GALNT10: variants seen among roughly 807,000 people sequenced by gnomAD.
GALNT10 encodes the protein polypeptide N-acetylgalactosaminyltransferase 10.
GALNT10 carries 41 observed loss-of-function variants against 75.0 expected under a neutral mutation model. That is an observed-to-expected ratio of 0.55 (90% CI 0.43 to 0.71). The LOEUF (loss-of-function observed/expected upper bound fraction) is 0.71. Ranked by LOEUF, GALNT10 falls within the 30% of genes least tolerant of loss-of-function variation. The pLI is 0.00. For missense variants in GALNT10, 727 were observed against 818.5 expected (o/e 0.89, Z 1.36); for synonymous variants, 302 against 313.0 (o/e 0.96, Z 0.37).
chr5:154,378,865 T>G (rs1371652436), intron 5 of GALNT10, among the ~76,000 whole-genome samples: 1 of 152,160 alleles, frequency 6.6e-6, no homozygotes, highest in Non-Finnish European at 1.5e-5. Flanking sequence ...GCCCCAGCCC[T>G]CCTTGGACAT....
intron 8 of GALNT10, among the ~76,000 whole-genome samples, chr5:154,405,901 G>C (rs17637751): frequency 0.28 from 42,530 of 150,014 alleles, 7,122 homozygotes; most frequent in Non-Finnish European, 0.39. Context: ...AGGCCCACCT[G>C]ATAAAGAGAC....
At chr5:154,285,058 C>T (rs919966622) in intron 1 of GALNT10, among the ~76,000 whole-genome samples, 4 of 152,164 alleles carry the variant, frequency 2.6e-5, no homozygotes, top group Non-Finnish European at 5.9e-5. Flanking sequence ...CTCAAAAGTC[C>T]AGTGTGGGCA....
chr5:154,214,465 A>T (rs1752833867), intron 1 of GALNT10, among the ~76,000 whole-genome samples: 1 of 152,122 alleles, frequency 6.6e-6, no homozygotes, highest in Non-Finnish European at 1.5e-5. Context: ...CCTAATTTGG[A>T]AAAAGGAGAA....
In GALNT10 at chr5:154,273,842, CTT is replaced by C. The variant is rs1209917410; in HGVS notation, c.160-20971_160-20970del. On this transcript the variant is annotated intron_variant, in intron 1 of 11. Coordinates refer to ENST00000297107, the MANE Select transcript of GALNT10 (RefSeq NM_198321.4). ...ACTTGTTTTTTAAAGCAGTGGAACACTTTTCACATAATCTTATTTGAAAGCCT... is the reference window on the plus strand; with the variant it reads ...ACTTGTTTTTTAAAGCAGTGGAACACTTCACATAATCTTATTTGAAAGCCT... 2.6e-5 allele frequency among the ~76,000 whole-genome samples: 4 copies of C among 152,318 alleles called. No individual in the cohort carries two copies. In the East Asian group the frequency reaches 7.7e-4, roughly 29 times the overall value.
At chr5:154,379,095 G>T (rs1379616390) in intron 5 of GALNT10, among the ~76,000 whole-genome samples, 1 of 152,178 alleles carries the variant, frequency 6.6e-6, no homozygotes, top group Non-Finnish European at 1.5e-5. Context: ...GATGGCCCCT[G>T]ATCCACATGT....
intron 4 of GALNT10, among the ~76,000 whole-genome samples, chr5:154,360,481 A>G (rs1181371413): frequency 6.6e-6 from 1 of 151,266 alleles, no homozygotes; most frequent in Non-Finnish European, 1.5e-5. Flanking sequence ...ACAAAACCGC[A>G]CTGGATCCAC....
rs572339180 is a variant in GALNT10, at chr5:154,419,280, G to A, written c.*2308G>A. On this transcript the variant is annotated 3_prime_UTR_variant, in exon 12 of 12. Transcript: ENST00000297107. ...AGGCTGGGCAGTGCGTTTAGTCTGT[G>A]GCCTAGAAGACCTCATCAGCCCCCG... The A allele has an allele frequency of 1.3e-5, 2 of 152,204 alleles. No homozygotes were observed. The highest frequency in any genetic ancestry group is 1.9e-4 in the East Asian group (1 of 5,164). The allele number at this position is 152,204 out of a possible 1,614,324, so 9.4% of individuals were successfully genotyped here. A position where few individuals can be genotyped will look rare whatever the true frequency, so the allele number is the denominator to read the frequency against.
At chr5:154,383,310 T>C (rs900026878) in intron 6 of GALNT10, among the ~76,000 whole-genome samples, 2 of 152,220 alleles carry the variant, frequency 1.3e-5, no homozygotes, top group Non-Finnish European at 2.9e-5. Flanking sequence ...GGTGCAAGGA[T>C]GTTTAAAAGA....
intron 1 of GALNT10, among the ~76,000 whole-genome samples, chr5:154,207,957 G>A (rs1235978641): frequency 2.0e-5 from 3 of 152,012 alleles, no homozygotes; most frequent in African/African-American, 7.2e-5. Context: ...GAAAGAGATC[G>A]GGAGGCCATG....
rs757748797 is a variant in GALNT10 at position 154,329,702 on chromosome 5, G to C, written c.532G>C (p.Ala178Pro). Residue 178 changes from alanine to proline, a missense_variant, in exon 4 of 12, where the codon GCC (alanine) becomes CCC (proline). Physicochemically the swap from Ala to Pro is conservative, Grantham distance 27. Transcript: ENST00000297107. The part of the protein sequence containing the change: ...VLNRSPPELV[A>P]EIVLVDDFSD... ...CAATCGCTCGCCTCCAGAGCTGGTC[G>C]CCGAGATTGTACTGGTCGACGACTT... 2.5e-6 allele frequency: 4 copies of C among 1,613,568 alleles called. 1 individual carries two copies. The South Asian group carries it at 4.4e-5, about 18-fold the overall frequency.
At chr5:154,233,955 A>G (rs1753205193) in intron 1 of GALNT10, among the ~76,000 whole-genome samples, 1 of 152,038 alleles carries the variant, frequency 6.6e-6, no homozygotes, top group South Asian at 2.1e-4. Context: ...ATTCACCATG[A>G]AGCTTCAGAG....
chr5:154,202,360 G>C (rs1367365551), intron 1 of GALNT10, among the ~76,000 whole-genome samples: 1 of 152,234 alleles, frequency 6.6e-6, no homozygotes, highest in Non-Finnish European at 1.5e-5. Flanking sequence ...GTGGTGGCCA[G>C]GAGTTAGCTT....
chr5:154,390,178 G>C (rs1755870712), intron 7 of GALNT10, among the ~76,000 whole-genome samples: 1 of 152,188 alleles, frequency 6.6e-6, no homozygotes, highest in Non-Finnish European at 1.5e-5. Context: ...CCCTTTGCTG[G>C]GAGAATTTCA....
chr5:154,277,922 C>G (rs534132540), intron 1 of GALNT10, among the ~76,000 whole-genome samples: 6 of 152,312 alleles, frequency 3.9e-5, no homozygotes, highest in African/African-American at 1.4e-4. Context: ...TCCAATCTGT[C>G]CTGTATCATA....
chr5:154,356,664 G>A (rs539175178), intron 4 of GALNT10, among the ~76,000 whole-genome samples: 2 of 152,352 alleles, frequency 1.3e-5, no homozygotes, highest in South Asian at 4.1e-4. Context: ...GAAGGTGGGA[G>A]AAGGGAGACC....
rs1756591151 is a variant in GALNT10, at chr5:154,419,736, C to G, written c.*2764C>G. The G allele has an allele frequency of 6.6e-6, 1 of 152,232 alleles. No homozygotes were observed. The highest frequency in any genetic ancestry group is 1.5e-5 in the Non-Finnish European group (1 of 68,050). 9.4% of individuals were successfully genotyped at this position (152,232 alleles called of 1,614,324 possible). A position where few individuals can be genotyped will look rare whatever the true frequency, so the allele number is the denominator to read the frequency against. Reference sequence around the variant, plus strand: ...CTGATCAATTGCCAGTACTAAGCCACTCATTGTTATGGCTTCCTTTTTGAA... The same window carrying G: ...CTGATCAATTGCCAGTACTAAGCCAGTCATTGTTATGGCTTCCTTTTTGAA... On this transcript the variant is annotated 3_prime_UTR_variant, in exon 12 of 12. Transcript: ENST00000297107.
chr5:154,335,291 TAG>T (rs1754926971), intron 4 of GALNT10, among the ~76,000 whole-genome samples: 4 of 152,178 alleles, frequency 2.6e-5, no homozygotes, highest in Non-Finnish European at 5.9e-5. Flanking sequence ...AGGAATCAAA[TAG>T]GCTTCCCTCG....
At chr5:154,375,520 T>G (rs1581998623) in intron 4 of GALNT10, among the ~76,000 whole-genome samples, 1 of 152,300 alleles carries the variant, frequency 6.6e-6, no homozygotes, top group East Asian at 1.9e-4. Context: ...TGCTGTCTTG[T>G]GTAATAAGAG....
At chr5:154,343,205 C>A (rs1249902206) in intron 4 of GALNT10, among the ~76,000 whole-genome samples, 1 of 151,528 alleles carries the variant, frequency 6.6e-6, no homozygotes, top group East Asian at 1.9e-4. Context: ...GTTCTGGGAC[C>A]CTGAGCTGAG....
Sources: gnomAD v4.1 joint callset for allele counts (sites outside exome capture counted in the v4.1 genomes callset) on GRCh38, gnomAD v4.1.1 for gene constraint, MANE v1.5 for transcripts, NCBI Gene and HGNC (gene_info 2026-07-23, HGNC 2026-07-21) for gene names.